Variants in PPM1H observed in about 807,000 individuals in gnomAD.
PPM1H encodes the protein protein phosphatase, Mg2+/Mn2+ dependent 1H.
In PPM1H, 27 loss-of-function variants were observed where a neutral mutation model predicts 54.9. The ratio of observed to expected loss-of-function variants is 0.49; its 90% CI spans 0.36 to 0.68. The LOEUF (loss-of-function observed/expected upper bound fraction) is 0.68, where lower values mean the gene tolerates loss of function less well. PPM1H is among the 30% of genes least tolerant of loss of function. The pLI, the probability that PPM1H is intolerant of heterozygous loss-of-function variation, is 0.00. For synonymous variants in PPM1H, 305 were observed against 270.8 expected, an observed-to-expected ratio of 1.13 and a Z score of -1.24; for missense variants, 596 against 667.8, an observed-to-expected ratio of 0.89 and a Z score of 1.19.
chr12:62,868,061 GCAGTGTAGGTTA>G (rs1429608297), intron 1 of PPM1H, among the ~76,000 whole-genome samples: 1 of 152,150 alleles, frequency 6.6e-6, no homozygotes, highest in African/African-American at 2.4e-5. Flanking sequence ...AAGGTTGAGA[GCAGTGTAGGTTA>G]CCAAAAGGCT....
At chr12:62,822,424 T>C (rs1292489270) in intron 2 of PPM1H, among the ~76,000 whole-genome samples, 1 of 152,182 alleles carries the variant, frequency 6.6e-6, no homozygotes, top group Non-Finnish European at 1.5e-5. Context: ...TACAGAACTC[T>C]CCACCCCAAA....
At chr12:62,820,090 T>C (rs1201835102) in intron 2 of PPM1H, among the ~76,000 whole-genome samples, 1 of 152,250 alleles carries the variant, frequency 6.6e-6, no homozygotes, top group Non-Finnish European at 1.5e-5. Flanking sequence ...GCTTTTCCAA[T>C]GGCCTTAGCA....
chr12:62,753,200 C>T (rs1296146302), intron 4 of PPM1H, among the ~76,000 whole-genome samples: 1 of 152,212 alleles, frequency 6.6e-6, no homozygotes, highest in Non-Finnish European at 1.5e-5. Context: ...GGTCTGTTCT[C>T]TCATCTACCT....
At chr12:62,665,281 T>G (rs1317701432) in intron 9 of PPM1H, among the ~76,000 whole-genome samples, 1 of 152,178 alleles carries the variant, frequency 6.6e-6, no homozygotes, top group African/African-American at 2.4e-5. Flanking sequence ...ACTCCTGACC[T>G]CAGGTGATCT....
At chr12:62,930,597 T>C (rs1872102141) in intron 1 of PPM1H, among the ~76,000 whole-genome samples, 1 of 151,488 alleles carries the variant, frequency 6.6e-6, no homozygotes, top group Non-Finnish European at 1.5e-5. Flanking sequence ...GGCAAACAGG[T>C]AAAAAAAGAA....
At chr12:62,738,416 C>T (rs1399435723) in intron 4 of PPM1H, among the ~76,000 whole-genome samples, 1 of 151,988 alleles carries the variant, frequency 6.6e-6, no homozygotes, top group Non-Finnish European at 1.5e-5. Flanking sequence ...TCATACACTC[C>T]AAAAAGTGTA....
At chr12:62,811,599 C>T (rs1406159805) in intron 2 of PPM1H, among the ~76,000 whole-genome samples, 3 of 152,120 alleles carry the variant, frequency 2.0e-5, no homozygotes, top group South Asian at 4.1e-4. Flanking sequence ...CCCCACATGT[C>T]GTGGGAGGGA....
At chr12:62,824,282 T>C (rs971745356) in intron 2 of PPM1H, among the ~76,000 whole-genome samples, 1 of 152,180 alleles carries the variant, frequency 6.6e-6, no homozygotes, top group Non-Finnish European at 1.5e-5. Flanking sequence ...CATTCCATGC[T>C]CATGGATAGG....
intron 8 of PPM1H, among the ~76,000 whole-genome samples, chr12:62,676,097 G>A (rs1275695003): frequency 6.6e-6 from 1 of 152,226 alleles, no homozygotes; most frequent in African/African-American, 2.4e-5. Flanking sequence ...GTGGCCATGA[G>A]TGGGCCAGAA....
chr12:62,681,551 A>C (rs1396036999), intron 8 of PPM1H, among the ~76,000 whole-genome samples: 2 of 152,198 alleles, frequency 1.3e-5, no homozygotes, highest in Non-Finnish European at 2.9e-5. Context: ...CTTCAAGCTA[A>C]TCTTTCAAAC....
chr12:62,894,329 A>G lies in PPM1H; in HGVS notation c.245+40163T>C, dbSNP rs561033646. ...GGGTGACAGCAAAGGAAGAGTTGGGATAAAAGGCAAGGGCAAGAATATACA... is the reference window on the plus strand; with the variant it reads ...GGGTGACAGCAAAGGAAGAGTTGGGGTAAAAGGCAAGGGCAAGAATATACA... On this transcript the variant is annotated intron_variant, in intron 1 of 9. Transcript: ENST00000228705. Among the ~76,000 whole-genome samples the G allele has an allele frequency of 3.1e-4, 47 of 152,356 alleles. No homozygotes were observed. The South Asian group carries it at 9.7e-3, about 32-fold the overall frequency.
chr12:62,921,732 T>C (rs1317888316), intron 1 of PPM1H, among the ~76,000 whole-genome samples: 1 of 152,126 alleles, frequency 6.6e-6, no homozygotes, highest in Non-Finnish European at 1.5e-5. Context: ...TGATTGTGCC[T>C]GTGAACAGCT....
At chr12:62,698,562 T>A (rs1416825889) in intron 6 of PPM1H, among the ~76,000 whole-genome samples, 1 of 152,020 alleles carries the variant, frequency 6.6e-6, no homozygotes, top group East Asian at 1.9e-4. Context: ...CCCTCTAGGG[T>A]CTTTCTGGTT....
chr12:62,890,705 C>CGT, intron 1 of PPM1H, among the ~76,000 whole-genome samples: 1 of 133,424 alleles, frequency 7.5e-6, no homozygotes, highest in South Asian at 2.6e-4. Context: ...AATATCATTT[C>CGT]GTGTGTGTGT....
chr12:62,817,468 AAAC>A (rs1035387564), intron 2 of PPM1H, among the ~76,000 whole-genome samples: 13 of 132,558 alleles, frequency 9.8e-5, no homozygotes, highest in Admixed American at 2.3e-4. Flanking sequence ...TCTCAAAAAA[AAAC>A]AAACAAACAA....
chr12:62,737,481 C>G, intron 5 of PPM1H, 21 bp downstream of exon 5: 1 of 1,506,390 alleles, frequency 6.6e-7, no homozygotes, highest in Non-Finnish European at 9.0e-7. Context: ...CTGCCCTCTG[C>G]CAAGCCTAGA....
chr12:62,934,586 G>T lies in PPM1H; in HGVS notation c.151C>A (p.Gln51Lys). 6.4e-7 allele frequency: 1 copy of T among 1,566,448 alleles called. No homozygotes were observed. Residue 51 changes from glutamine (Q) to lysine (K), a missense_variant, in exon 1 of 10, where the codon CAG becomes AAG. Coordinates refer to ENST00000228705, the MANE Select transcript of PPM1H (RefSeq NM_020700.2). This position sits in a 1 kb window ranked among gnomAD's most constrained non-coding sequence, Gnocchi z 4.2. The stretch of plus-strand genomic sequence containing the variant: ...TCGGCGCTGCACTCCACCTCGTCCT[G>T]AGACAGCCCCAGGAACTCTGGCCGC... Reference protein sequence around the residue: ...YGRPEFLGLSQDEVECSADHI... With the variant: ...YGRPEFLGLSKDEVECSADHI...
chr12:62,839,874 C>CAAAAAAAAAAAAA (rs746381032), intron 1 of PPM1H, among the ~76,000 whole-genome samples: 3 of 84,244 alleles, frequency 3.6e-5, no homozygotes, highest in Admixed American at 1.2e-4. Context: ...CCTGTTTCTA[C>CAAAAAAAAAAAAA]AAAAAAAAAA....
intron 6 of PPM1H, among the ~76,000 whole-genome samples, chr12:62,714,681 T>A (rs1430415526): frequency 6.6e-6 from 1 of 152,134 alleles, no homozygotes; most frequent in Non-Finnish European, 1.5e-5. Flanking sequence ...ACAAGGTGCC[T>A]ATCGCCAAAA....
Sources: gnomAD v4.1 joint callset for allele counts (sites outside exome capture counted in the v4.1 genomes callset) on GRCh38, gnomAD v4.1.1 for gene constraint, Gnocchi (gnomAD v3.1) non-coding constraint, MANE v1.5 for transcripts, NCBI Gene and HGNC (gene_info 2026-07-23, HGNC 2026-07-21) for gene names.